The following PLS1 variants were observed in gnomAD, a reference collection of about 807,000 sequenced individuals.
The protein encoded by PLS1 is plastin 1.
In PLS1, 32 loss-of-function variants were observed where a neutral mutation model predicts 73.7. The ratio of observed to expected loss-of-function variants is 0.43; its 90% confidence interval spans 0.33 to 0.58. The LOEUF (loss-of-function observed/expected upper bound fraction) is 0.58. Among genes scored for constraint, PLS1 ranks in the 20% least tolerant of loss-of-function variants. The probability of loss-of-function intolerance (pLI) is 0.04; values close to 1 mark genes in which losing one functional copy is unlikely to be tolerated. For synonymous variants in PLS1, 217 were observed against 261.3 expected (o/e 0.83, Z 1.63); for missense variants, 633 against 740.5 (o/e 0.85, Z 1.68).
At position 142,678,066 on chromosome 3, in the gene PLS1, G is replaced by T; in HGVS notation, c.532G>T (p.Asp178Tyr). 1 of 1,552,450 alleles carries T rather than the reference G, an allele frequency of 6.4e-7. No individual in the cohort carries two copies. Among genetic ancestry groups the T allele is most frequent in the Non-Finnish European group, 8.7e-7 (1 of 1,145,244 alleles). Residue 178 changes from aspartate to tyrosine, a missense_variant, in exon 6 of 16, where the codon GAT becomes TAT. Physicochemically the swap from Asp to Tyr is radical, Grantham distance 160 (BLOSUM62 -3). Transcript: ENST00000457734. ...CAACTTATCTGAACCAGATACAATT[G>T]ATGAAAGAGCCATCAATAAGAAAAA... is the stretch of plus-strand genomic sequence containing the variant. ...MINLSEPDTI[D>Y]ERAINKKKLT...
intron 12 of PLS1, 123 bp downstream of exon 12, chr3:142,698,190 G>A (rs984501416): frequency 1.7e-6 from 1 of 589,784 alleles, no homozygotes. Flanking sequence ...AATGTGTTAA[G>A]CTTAATAGCC....
At chr3:142,705,723 C>A (rs939864227) in intron 14 of PLS1, among the ~76,000 whole-genome samples, 2 of 152,158 alleles carry the variant, frequency 1.3e-5, no homozygotes, top group African/African-American at 4.8e-5. Flanking sequence ...AACAACATTG[C>A]AAAGTGAAAG....
At chr3:142,644,374 CTGAG>C (rs1448233091) in intron 1 of PLS1, among the ~76,000 whole-genome samples, 1 of 152,122 alleles carries the variant, frequency 6.6e-6, no homozygotes, top group African/African-American at 2.4e-5. Flanking sequence ...CCTCAGCCTC[CTGAG>C]TAACTAAGAC....
At chr3:142,620,887 A>T (rs1004757398) in intron 1 of PLS1, among the ~76,000 whole-genome samples, 1 of 152,094 alleles carries the variant, frequency 6.6e-6, no homozygotes, top group Non-Finnish European at 1.5e-5. Context: ...GCGCGGTGGC[A>T]GGTGCCTGTA....
chr3:142,689,856 CT>C, intron 10 of PLS1, 43 bp downstream of exon 10: 1 of 1,265,244 alleles, frequency 7.9e-7, no homozygotes, highest in African/African-American at 1.5e-5. Flanking sequence ...TATTTATCTT[CT>C]TATGGTATTG....
intron 4 of PLS1, among the ~76,000 whole-genome samples, chr3:142,674,687 C>T (rs771664979): frequency 1.2e-4 from 18 of 152,040 alleles, no homozygotes; most frequent in Admixed American, 3.9e-4. Flanking sequence ...ATGAAGATGG[C>T]CAAAGATAGT....
chr3:142,605,821 T>C (rs1374443066), intron 1 of PLS1, among the ~76,000 whole-genome samples: 3 of 152,250 alleles, frequency 2.0e-5, no homozygotes, highest in Non-Finnish European at 4.4e-5. Flanking sequence ...TATCCATCTC[T>C]TTCATCTTGA....
intron 10 of PLS1, among the ~76,000 whole-genome samples, chr3:142,693,112 C>T (rs1273707834): frequency 6.6e-6 from 1 of 152,044 alleles, no homozygotes; most frequent in African/African-American, 2.4e-5. Context: ...GATCAGTTAC[C>T]TTTTATGCAG....
At chr3:142,676,578 G>T (rs1180216340) in intron 5 of PLS1, among the ~76,000 whole-genome samples, 1 of 152,144 alleles carries the variant, frequency 6.6e-6, no homozygotes, top group East Asian at 1.9e-4. Flanking sequence ...AATATTCGCA[G>T]GGTTTCTCTT....
intron 10 of PLS1, among the ~76,000 whole-genome samples, chr3:142,691,420 C>G (rs1418802455): frequency 6.6e-6 from 1 of 151,900 alleles, no homozygotes; most frequent in Non-Finnish European, 1.5e-5. Context: ...TTCAAAATCC[C>G]TCTGTCAGTA....
intron 2 of PLS1, among the ~76,000 whole-genome samples, chr3:142,667,654 A>G (rs1217246441): frequency 3.3e-5 from 5 of 152,314 alleles, no homozygotes; most frequent in Non-Finnish European, 4.4e-5. Flanking sequence ...TTAAGCCCCC[A>G]TATCTGTCTT....
chr3:142,683,618 A>C (rs1195153042), intron 6 of PLS1, among the ~76,000 whole-genome samples: 1 of 152,240 alleles, frequency 6.6e-6, no homozygotes, highest in Non-Finnish European at 1.5e-5. Flanking sequence ...AATCCATCTT[A>C]AGAGTTACTT....
chr3:142,641,037 C>T (rs1050901353), intron 1 of PLS1, among the ~76,000 whole-genome samples: 1 of 151,326 alleles, frequency 6.6e-6, no homozygotes, highest in African/African-American at 2.4e-5. Context: ...TAGTGCATGC[C>T]TGTAGTCCTA....
intron 9 of PLS1, among the ~76,000 whole-genome samples, chr3:142,688,241 T>A (rs1436378505): frequency 1.3e-5 from 2 of 152,122 alleles, no homozygotes; most frequent in Non-Finnish European, 2.9e-5. Context: ...AGCCACCACG[T>A]CCAGCCACAT....
Position 142,671,268 on chromosome 3 carries a change from A to G in PLS1, c.364+146A>G, listed in dbSNP as rs1459118008. The G allele has an allele frequency of 2.2e-5, 15 of 688,808 alleles. No homozygotes were observed. The East Asian group carries it at 3.5e-4, about 16-fold the overall frequency. 42.7% of individuals were successfully genotyped at this position (688,808 alleles called of 1,614,324 possible). A position where few individuals can be genotyped will look rare whatever the true frequency, so the allele number is the denominator to read the frequency against. On this transcript the variant is annotated intron_variant, in intron 4 of 15. Transcript: ENST00000457734. ...AGAAAAAAATACTGCAGACCACAGT[A>G]TAACATGCCATTGAATTTGAAATAC... is the stretch of plus-strand genomic sequence containing the variant.
intron 9 of PLS1, among the ~76,000 whole-genome samples, chr3:142,689,085 A>T (rs983001465): frequency 1.3e-5 from 2 of 152,152 alleles, no homozygotes; most frequent in African/African-American, 4.8e-5. Flanking sequence ...AAAAGGGTAA[A>T]ATATAACTCA....
At chr3:142,654,474 T>A (rs1314924608) in intron 1 of PLS1, among the ~76,000 whole-genome samples, 1 of 152,166 alleles carries the variant, frequency 6.6e-6, no homozygotes, top group Admixed American at 6.6e-5. Context: ...GCCTCCCAAG[T>A]AGTAGGACTA....
chr3:142,709,794 G>A (rs1438423148), intron 14 of PLS1, among the ~76,000 whole-genome samples: 1 of 148,008 alleles, frequency 6.8e-6, no homozygotes, highest in Admixed American at 6.7e-5. Flanking sequence ...GCCAGCCTGG[G>A]CAACAGAGCG....
At chr3:142,602,623 G>C (rs998543413) in intron 1 of PLS1, among the ~76,000 whole-genome samples, 18 of 151,702 alleles carry the variant, frequency 1.2e-4, no homozygotes, top group African/African-American at 4.1e-4. Flanking sequence ...ATAGGCCCCA[G>C]CTTTGACCTG....
Sources: gnomAD v4.1 joint callset for allele counts (sites outside exome capture counted in the v4.1 genomes callset) on GRCh38, gnomAD v4.1.1 for gene constraint, MANE v1.5 for transcripts, NCBI Gene and HGNC (gene_info 2026-07-23, HGNC 2026-07-21) for gene names.